The following SYT14 variants were observed in gnomAD, a reference collection of about 807,000 sequenced individuals.
The protein encoded by SYT14 is synaptotagmin-14.
Under a neutral mutation model 74.2 loss-of-function variants are expected in SYT14, and 32 were observed. The observed-to-expected ratio is 0.43, with a 90% confidence interval of 0.33 to 0.58. The LOEUF (loss-of-function observed/expected upper bound fraction) is 0.58, where lower values mean the gene tolerates loss of function less well. Ranked by LOEUF, SYT14 falls within the 20% of genes least tolerant of loss-of-function variation. SYT14 has a pLI of 0.05. For synonymous variants in SYT14, 298 were observed against 337.7 expected (o/e 0.88, Z 1.29); for missense variants, 791 against 981.8 (o/e 0.81, Z 2.60).
At chr1:209,995,550 C>T (rs2079773943) in intron 2 of SYT14, among the ~76,000 whole-genome samples, 1 of 152,156 alleles carries the variant, frequency 6.6e-6, no homozygotes, top group Non-Finnish European at 1.5e-5. Context: ...GAGACTTCAA[C>T]ACCCCACTGA....
Position 210,092,189 on chromosome 1 carries a change from G to A in SYT14, c.1313-2133G>A, listed in dbSNP as rs182687752. Among the ~76,000 whole-genome samples, 577 of 152,210 alleles carry A rather than the reference G, an allele frequency of 3.8e-3. 3 individuals are homozygous for A. Among genetic ancestry groups the A allele is most frequent in the Middle Eastern group, 6.8e-3 (2 of 294 alleles). On this transcript the variant is annotated intron_variant, in intron 5 of 9. Coordinates refer to ENST00000637265, the Ensembl canonical transcript of SYT14. Reference sequence around the variant, plus strand: ...TTTTTCTTTTTCTTTAACAAATAGGGATTTGTCTCAGGTGTCAAGTTTGGA... The same window carrying A: ...TTTTTCTTTTTCTTTAACAAATAGGAATTTGTCTCAGGTGTCAAGTTTGGA...
intron 5 of SYT14, among the ~76,000 whole-genome samples, chr1:210,083,123 G>C (rs2081648194): frequency 1.5e-5 from 1 of 67,406 alleles, no homozygotes; most frequent in Non-Finnish European, 4.4e-5. Flanking sequence ...TGGGATTGTA[G>C]GCATGTGCCA....
chr1:210,084,249 A>G (rs1476833953), intron 5 of SYT14, among the ~76,000 whole-genome samples: 2 of 152,242 alleles, frequency 1.3e-5, no homozygotes, highest in South Asian at 2.1e-4. Context: ...GATAAGAGCT[A>G]TATATTAAAA....
chr1:209,986,065 T>C (rs572301574), intron 2 of SYT14, among the ~76,000 whole-genome samples: 4 of 152,346 alleles, frequency 2.6e-5, no homozygotes, highest in African/African-American at 9.6e-5. Context: ...GTATTAGTAC[T>C]TGGCTCCTTT....
intron 5 of SYT14, among the ~76,000 whole-genome samples, chr1:210,093,088 T>G (rs2081905639): frequency 6.6e-6 from 1 of 152,152 alleles, no homozygotes; most frequent in African/African-American, 2.4e-5. Context: ...ACTATTAGAC[T>G]CACTAGGTAA....
chr1:210,137,681 CTTTTTTT>C (rs397717067), intron 7 of SYT14, among the ~76,000 whole-genome samples: 13 of 135,434 alleles, frequency 9.6e-5, no homozygotes, highest in South Asian at 4.7e-4. Context: ...CTTCAAATTT[CTTTTTTT>C]TTTTTTTTTG....
intron 5 of SYT14, among the ~76,000 whole-genome samples, chr1:210,084,582 T>C (rs749777345): frequency 3.9e-5 from 6 of 152,234 alleles, no homozygotes; most frequent in Non-Finnish European, 8.8e-5. Context: ...GCAGCCAAGG[T>C]TTCTGCAGAG....
intron 5 of SYT14, among the ~76,000 whole-genome samples, chr1:210,041,187 A>G (rs1313742888): frequency 6.6e-6 from 1 of 152,170 alleles, no homozygotes; most frequent in Non-Finnish European, 1.5e-5. Flanking sequence ...ACATGTAAGG[A>G]TAGGGCCTAG....
exon 10 of SYT14, chr1:210,163,586 C>T (rs1409340543): frequency 2.2e-6 from 1 of 453,128 alleles, no homozygotes; most frequent in East Asian, 7.0e-5. Flanking sequence ...GATTATTTTT[C>T]TCCTCTATGT....
intron 1 of SYT14, among the ~76,000 whole-genome samples, chr1:209,944,739 A>T (rs1164936326): frequency 6.6e-6 from 1 of 151,982 alleles, no homozygotes; most frequent in African/African-American, 2.4e-5. Context: ...GGAGGCCTGA[A>T]GTTTTTTGTT....
intron 5 of SYT14, among the ~76,000 whole-genome samples, chr1:210,029,526 C>T (rs1184682295): frequency 1.3e-5 from 2 of 152,154 alleles, no homozygotes; most frequent in African/African-American, 4.8e-5. Flanking sequence ...AAAGGCTCTT[C>T]TACATTGTGT....
At chr1:210,001,156 T>C (rs1044047731) in intron 2 of SYT14, among the ~76,000 whole-genome samples, 2 of 152,230 alleles carry the variant, frequency 1.3e-5, no homozygotes, top group African/African-American at 4.8e-5. Context: ...TTAATACTTT[T>C]GAATTGTAAT....
At chr1:210,100,053 T>G in exon 7 of SYT14, 1 of 1,614,090 alleles carries the variant, frequency 6.2e-7, no homozygotes, top group Non-Finnish European at 8.5e-7. Flanking sequence ...TTCCTAAACC[T>G]TTTGATCCTG....
chr1:209,994,558 A>G (rs1412927669), intron 2 of SYT14, among the ~76,000 whole-genome samples: 1 of 152,204 alleles, frequency 6.6e-6, no homozygotes, highest in Non-Finnish European at 1.5e-5. Context: ...AATAACTTGG[A>G]AAATATACTT....
At chr1:210,023,025 A>T (rs1047103108) in intron 5 of SYT14, among the ~76,000 whole-genome samples, 4 of 151,830 alleles carry the variant, frequency 2.6e-5, no homozygotes, top group Admixed American at 6.6e-5. Flanking sequence ...CCCCAGAATC[A>T]CCTTCTCATT....
At chr1:210,138,383 T>A (rs1223852607) in intron 7 of SYT14, among the ~76,000 whole-genome samples, 1 of 152,112 alleles carries the variant, frequency 6.6e-6, no homozygotes, top group Non-Finnish European at 1.5e-5. Flanking sequence ...TCCCATGACA[T>A]GTGGGGATTA....
chr1:210,017,352 C>T (rs1381032434), intron 4 of SYT14, among the ~76,000 whole-genome samples: 2 of 152,052 alleles, frequency 1.3e-5, no homozygotes, highest in Non-Finnish European at 2.9e-5. Flanking sequence ...TTTTCAGCAG[C>T]CCTAGTTTTT....
intron 4 of SYT14, among the ~76,000 whole-genome samples, chr1:210,019,131 CAAAAAAAA>C (rs1215149823): frequency 5.3e-5 from 3 of 56,682 alleles, no homozygotes; most frequent in African/African-American, 6.9e-5. Context: ...TGAGACTCCT[CAAAAAAAA>C]AAAAAAAAAA....
At chr1:209,972,984 T>C (rs111615443) in intron 2 of SYT14, among the ~76,000 whole-genome samples, 1,591 of 152,312 alleles carry the variant, frequency 0.01, 35 homozygotes, top group African/African-American at 0.036. Flanking sequence ...TCTAAGTCTT[T>C]TCATAGGTCT....
Sources: gnomAD v4.1 joint callset for allele counts (sites outside exome capture counted in the v4.1 genomes callset) on GRCh38, gnomAD v4.1.1 for gene constraint, MANE v1.5 for transcripts, NCBI Gene and HGNC (gene_info 2026-07-23, HGNC 2026-07-21) for gene names.